EXT2: variants seen among roughly 807,000 people sequenced by gnomAD.
EXT2 encodes exostosin glycosyltransferase 2.
A neutral mutation model predicts 81.6 loss-of-function variants in EXT2; 53 were observed. The ratio of observed to expected loss-of-function variants is 0.65; its 90% CI spans 0.52 to 0.82. EXT2 has a LOEUF of 0.82. Ranked by LOEUF, EXT2 falls within the 40% of genes least tolerant of loss-of-function variation. The probability of loss-of-function intolerance (pLI) is 0.00; values close to 1 mark genes in which losing one functional copy is unlikely to be tolerated. For synonymous variants in EXT2, 320 were observed against 340.0 expected (o/e 0.94, Z 0.65); for missense variants, 774 against 910.2 (o/e 0.85, Z 1.93).
intron 10 of EXT2, among the ~76,000 whole-genome samples, chr11:44,222,719 A>G (rs1955795062): frequency 6.6e-6 from 1 of 152,130 alleles, no homozygotes; most frequent in South Asian, 2.1e-4. Flanking sequence ...CTCTAGGGCT[A>G]GGCAAAGAGT....
At chr11:44,203,045 T>C (rs1207368310) in intron 9 of EXT2, among the ~76,000 whole-genome samples, 3 of 152,198 alleles carry the variant, frequency 2.0e-5, no homozygotes, top group African/African-American at 7.2e-5. Context: ...TAGAACAGTT[T>C]ATACCATCAG....
chr11:44,174,076 A>G (rs892408342), intron 8 of EXT2, among the ~76,000 whole-genome samples: 1 of 152,186 alleles, frequency 6.6e-6, no homozygotes, highest in East Asian at 1.9e-4. Context: ...CTAGTTCTCC[A>G]TGTCTTCAGC....
intron 7 of EXT2, among the ~76,000 whole-genome samples, chr11:44,168,799 C>T (rs1019917994): frequency 1.3e-5 from 2 of 152,212 alleles, no homozygotes; most frequent in African/African-American, 4.8e-5. Flanking sequence ...AAAAGAGTCA[C>T]CCACGAATTC....
chr11:44,105,116 C>T (rs1369098300), intron 1 of EXT2, among the ~76,000 whole-genome samples: 8 of 152,222 alleles, frequency 5.3e-5, no homozygotes, highest in Middle Eastern at 6.8e-3. Flanking sequence ...ATACTCAGCT[C>T]GCTAGGCAGG....
intron 7 of EXT2, among the ~76,000 whole-genome samples, chr11:44,164,406 G>A (rs1954965585): frequency 6.6e-6 from 1 of 152,126 alleles, no homozygotes. Context: ...AAACTGAGAG[G>A]TTAAGTAACT....
At chr11:44,208,825 G>A (rs115933899) in intron 10 of EXT2, among the ~76,000 whole-genome samples, 2 of 152,190 alleles carry the variant, frequency 1.3e-5, no homozygotes, top group East Asian at 3.9e-4. Flanking sequence ...ATTTAAATCC[G>A]AATTTTTCTG....
chr11:44,100,794 G>A (rs934889667), intron 1 of EXT2, among the ~76,000 whole-genome samples: 2 of 152,316 alleles, frequency 1.3e-5, no homozygotes. Context: ...GTAGCAAGAT[G>A]TGAGACCCTG....
At chr11:44,096,257 C>A in intron 1 of EXT2, 1 of 1,535,988 alleles carries the variant, frequency 6.5e-7, no homozygotes, top group Non-Finnish European at 8.7e-7. Flanking sequence ...AGGGGGATGT[C>A]CTGCGCCTCA....
At chr11:44,124,641 T>TA in intron 4 of EXT2, 148 bp from the exon 5 acceptor site, 1 of 676,102 alleles carries the variant, frequency 1.5e-6, no homozygotes, top group Non-Finnish European at 2.7e-6. Context: ...AAATATTTAC[T>TA]AATACTACAG....
intron 10 of EXT2, among the ~76,000 whole-genome samples, chr11:44,214,929 G>C (rs56380226): frequency 6.7e-6 from 1 of 149,926 alleles, no homozygotes; most frequent in Admixed American, 6.8e-5. Context: ...ATTTTTTGGC[G>C]GGGGGTGGGG....
At chr11:44,141,289 T>G (rs1032679297) in intron 7 of EXT2, among the ~76,000 whole-genome samples, 24 of 152,362 alleles carry the variant, frequency 1.6e-4, no homozygotes, top group African/African-American at 5.8e-4. Flanking sequence ...AAATTTTATG[T>G]ATGTTCAGTA....
intron 4 of EXT2, among the ~76,000 whole-genome samples, chr11:44,119,948 ACT>A (rs1442789089): frequency 1.3e-5 from 2 of 151,578 alleles, no homozygotes; most frequent in African/African-American, 2.4e-5. Context: ...CTTGAACCAA[ACT>A]CTCTCTTTAT....
intron 7 of EXT2, among the ~76,000 whole-genome samples, chr11:44,135,959 A>C (rs988753542): frequency 7.9e-5 from 12 of 152,268 alleles, no homozygotes; most frequent in Non-Finnish European, 1.6e-4. Flanking sequence ...AGAAATTACT[A>C]TTCATGGTGA....
chr11:44,109,302 G>A lies in EXT2; in HGVS notation c.626+19G>A, dbSNP rs370903897. The A allele has an allele frequency of 6.2e-7, 1 of 1,603,632 alleles. No individual in the cohort carries two copies. Among genetic ancestry groups the A allele is most frequent in the African/African-American group, 1.3e-5 (1 of 74,818 alleles). ...GAGACAGGTAGGAGGCATATTTGGGGCTGTCCTTATGATGGGTTCAAGATC... is the reference window on the plus strand; with the variant it reads ...GAGACAGGTAGGAGGCATATTTGGGACTGTCCTTATGATGGGTTCAAGATC... On this transcript the variant is annotated intron_variant, in intron 3 of 13. Transcript: ENST00000533608.
intron 7 of EXT2, 59 bp from the exon 8 acceptor site, chr11:44,171,552 A>T (rs1293740387): frequency 1.2e-6 from 2 of 1,612,380 alleles, no homozygotes; most frequent in Non-Finnish European, 8.5e-7. Flanking sequence ...ATGATAGAGT[A>T]TCTAGTTTTC....
At chr11:44,152,597 C>T (rs4755784) in intron 7 of EXT2, among the ~76,000 whole-genome samples, 86,382 of 151,956 alleles carry the variant, frequency 0.57, 25,101 homozygotes, top group Middle Eastern at 0.72. Context: ...GTGATCTGCC[C>T]TCCTCGCCTT....
intron 2 of EXT2, 119 bp from the exon 3 acceptor site, chr11:44,109,075 A>C (rs957911636): frequency 2.0e-6 from 2 of 993,716 alleles, no homozygotes; most frequent in African/African-American, 1.6e-5. Flanking sequence ...TTTGCTTTGC[A>C]TACCTGAGAA....
At chr11:44,109,779 C>T (rs1394222559) in intron 3 of EXT2, among the ~76,000 whole-genome samples, 3 of 152,154 alleles carry the variant, frequency 2.0e-5, no homozygotes, top group South Asian at 2.1e-4. Flanking sequence ...CTTCATTATT[C>T]GCCCCTCTTG....
At chr11:44,119,274 G>C (rs1954282958) in intron 4 of EXT2, among the ~76,000 whole-genome samples, 1 of 150,934 alleles carries the variant, frequency 6.6e-6, no homozygotes, top group African/African-American at 2.4e-5. Flanking sequence ...TGCCAGGAGG[G>C]CTCCATGACT....
Sources: allele counts gnomAD v4.1 joint callset (sites outside exome capture counted in the v4.1 genomes callset), GRCh38; gene constraint gnomAD v4.1.1; transcripts MANE v1.5; gene names NCBI Gene and HGNC (gene_info 2026-07-23, HGNC 2026-07-21).